The following NPIPB12 variants were observed in gnomAD, a reference collection of about 807,000 sequenced individuals.
NPIPB12 encodes nuclear pore complex-interacting protein family member B12.
At chr16:29,492,676 C>T (rs1429866340) in intron 2 of NPIPB12, among the ~76,000 whole-genome samples, 10 of 89,042 alleles carry the variant, frequency 1.1e-4, no homozygotes, top group Non-Finnish European at 1.5e-4. Flanking sequence ...CGCCTGTAGT[C>T]CCAGCTACTC....
chr16:29,501,787 C>T (rs1174445268), upstream of NPIPB12, among the ~76,000 whole-genome samples: 2 of 5,196 alleles, frequency 3.8e-4, no homozygotes, highest in Non-Finnish European at 6.6e-4. Flanking sequence ...ACCCGGGAGG[C>T]GGAGGTTGCA....
chr16:29,492,484 T>C, intron 2 of NPIPB12, among the ~76,000 whole-genome samples: 1 of 72,746 alleles, frequency 1.4e-5, no homozygotes. Flanking sequence ...AAATTGAAAC[T>C]CTTGTCTCAA....
At chr16:29,495,163 C>T (rs1369426601) in intron 2 of NPIPB12, among the ~76,000 whole-genome samples, 1 of 145,692 alleles carries the variant, frequency 6.9e-6, no homozygotes, top group African/African-American at 2.4e-5. Flanking sequence ...AACTACAAAG[C>T]AGAAGAGTTT....
intron 4 of NPIPB12, among the ~76,000 whole-genome samples, chr16:29,490,509 C>T (rs576707120): frequency 1.9e-3 from 277 of 148,762 alleles, no homozygotes; most frequent in African/African-American, 6.6e-3. Flanking sequence ...CCGAGGTGTG[C>T]GGATCATGTC....
chr16:29,505,790 T>TA lies in NPIPB12; in HGVS notation c.-46dup, dbSNP rs1965235036. The TA allele has an allele frequency of 2.5e-6, 1 of 399,910 alleles. No individual in the cohort carries two copies. The allele number at this position is 399,910 out of a possible 1,614,324, so 24.8% of individuals were successfully genotyped here. Reference sequence around the variant, plus strand: ...CCATGCAAAATTACTTTACCCCTTTTAACCTCAGTTTTCTTCTGTGTGAAA... The same window carrying TA: ...CCATGCAAAATTACTTTACCCCTTTTAAACCTCAGTTTTCTTCTGTGTGAAA... On this transcript the variant is annotated 5_prime_UTR_variant, in exon 1 of 8. It introduces an in-frame stop codon into an upstream open reading frame of the 5' UTR. Coordinates refer to the NPIPB12 transcript ENST00000550665.
chr16:29,490,212 G>C, intron 4 of NPIPB12, among the ~76,000 whole-genome samples: 1 of 37,878 alleles, frequency 2.6e-5, no homozygotes, highest in African/African-American at 1.2e-4. Flanking sequence ...TTTTTAACAA[G>C]TATCTCACAT....
rs1235227261 is a variant in NPIPB12 at position 29,490,457 on chromosome 16, G to A, written c.449+1010C>T. On this transcript the variant is annotated intron_variant, in intron 4 of 5. Coordinates refer to ENST00000617311, the Ensembl canonical transcript of NPIPB12. The stretch of plus-strand genomic sequence containing the variant: ...CTACTAAAAATACAAAAATTGGGCC[G>A]GGCACGGTGGCTCACGCCTGTAATC... 1.2e-4 allele frequency among the ~76,000 whole-genome samples: 18 copies of A among 149,244 alleles called. No individual in the cohort carries two copies. The Middle Eastern group carries it at 0.011, about 91-fold the overall frequency.
At chr16:29,497,950 T>C in intron 1 of NPIPB12, among the ~76,000 whole-genome samples, 1 of 112,426 alleles carries the variant, frequency 8.9e-6, no homozygotes, top group Non-Finnish European at 1.8e-5. Flanking sequence ...AGCTAACCTA[T>C]GATAAGAAAG....
At chr16:29,492,741 CCA>C in intron 2 of NPIPB12, among the ~76,000 whole-genome samples, 1 of 126,010 alleles carries the variant, frequency 7.9e-6, no homozygotes, top group African/African-American at 3.0e-5. Context: ...TTGCAGTGAG[CCA>C]AGATCCCACC....
chr16:29,504,636 CTAATT>C (rs1350675987), intron 2 of NPIPB12, among the ~76,000 whole-genome samples: 1 of 57,834 alleles, frequency 1.7e-5, no homozygotes, highest in Admixed American at 2.1e-4. Context: ...AACTTAATGA[CTAATT>C]TAATTATTAC....
intron 2 of NPIPB12, among the ~76,000 whole-genome samples, chr16:29,504,629 T>A (rs1413747455): frequency 2.0e-4 from 17 of 84,480 alleles, no homozygotes; most frequent in African/African-American, 7.0e-4. Flanking sequence ...AATGTTCAAC[T>A]TAATGACTAA....
chr16:29,501,214 T>C (rs1471523846), upstream of NPIPB12, among the ~76,000 whole-genome samples: 6 of 75,550 alleles, frequency 7.9e-5, 2 homozygotes, highest in Non-Finnish European at 1.4e-4. Flanking sequence ...GTGTGGTGGC[T>C]CACGCCTGTA....
rs1191028089 is a variant in NPIPB12 at position 29,492,492 on chromosome 16, CAAAAA to C, written c.205-623_205-619del. Among the ~76,000 whole-genome samples, 17 of 40,296 alleles carry C rather than the reference CAAAAA, an allele frequency of 4.2e-4. No individual in the cohort carries two copies. The South Asian group carries it at 6.2e-3, about 15-fold the overall frequency. 26.4% of individuals were successfully genotyped at this position (40,296 alleles called of 152,430 possible). A position where few individuals can be genotyped will look rare whatever the true frequency, so the allele number is the denominator to read the frequency against. The stretch of plus-strand genomic sequence containing the variant: ...GGCAACAAAATTGAAACTCTTGTCT[CAAAAA>C]AAAAAAAAAAAAAAAAGGCCAGATG... On this transcript the variant is annotated intron_variant, in intron 2 of 5. Coordinates refer to ENST00000617311, the Ensembl canonical transcript of NPIPB12.
upstream of NPIPB12, chr16:29,505,840 TTCAG>T (rs1965235907): frequency 2.8e-6 from 1 of 361,162 alleles, no homozygotes; most frequent in Non-Finnish European, 5.2e-6. Flanking sequence ...TCATTCGTCA[TTCAG>T]TTTCTCTCAA....
chr16:29,490,235 G>C (rs1965063066), intron 4 of NPIPB12, among the ~76,000 whole-genome samples: 1 of 52,512 alleles, frequency 1.9e-5, no homozygotes, highest in South Asian at 1.6e-3. Flanking sequence ...AACAAAAAAA[G>C]ATCAGTCATA....
chr16:29,492,568 G>T (rs1256222510), intron 2 of NPIPB12, among the ~76,000 whole-genome samples: 3 of 86,666 alleles, frequency 3.5e-5, no homozygotes, highest in Admixed American at 2.4e-4. Flanking sequence ...GGCCGAGGCG[G>T]GTGAATCACA....
intron 1 of NPIPB12, among the ~76,000 whole-genome samples, chr16:29,497,919 C>T (rs1417763556): frequency 1.2e-5 from 1 of 81,456 alleles, no homozygotes. Context: ...CATCTGTATA[C>T]GCGAAATTCC....
chr16:29,501,860 C>G (rs1317150246), upstream of NPIPB12, among the ~76,000 whole-genome samples: 1 of 24,160 alleles, frequency 4.1e-5, no homozygotes, highest in East Asian at 6.0e-3. Context: ...GACTCTGTCT[C>G]AAAAAAAAAA....
At chr16:29,501,917 G>A (rs1188509058), upstream of NPIPB12, among the ~76,000 whole-genome samples, 1 of 46,304 alleles carries the variant, frequency 2.2e-5, no homozygotes, top group Non-Finnish European at 4.4e-5. Context: ...GTTGTAAAAG[G>A]AGAGACCAAG....
Sources: gnomAD v4.1 joint callset for allele counts (sites outside exome capture counted in the v4.1 genomes callset) on GRCh38, gnomAD v4.1.1 for gene constraint, MANE v1.5 for transcripts, NCBI Gene and HGNC (gene_info 2026-07-23, HGNC 2026-07-21) for gene names.